HSPA12A: variants seen among roughly 807,000 people sequenced by gnomAD.
HSPA12A encodes heat shock 70 kDa protein 12A.
Under a neutral mutation model 69.2 loss-of-function variants are expected in HSPA12A, and 28 were observed. That is an observed-to-expected ratio of 0.40 (90% CI 0.30 to 0.55). The LOEUF (loss-of-function observed/expected upper bound fraction) is 0.55, where lower values mean the gene tolerates loss of function less well. HSPA12A is among the 20% of genes least tolerant of loss of function. HSPA12A has a pLI of 0.38. For synonymous variants in HSPA12A, 345 were observed against 370.5 expected (o/e 0.93, Z 0.79); for missense variants, 686 against 900.7 (o/e 0.76, Z 3.05).
exon 1 of HSPA12A, chr10:116,849,741 T>G: frequency 6.7e-7 from 1 of 1,502,972 alleles, no homozygotes; most frequent in Non-Finnish European, 8.9e-7. Context: ...GGTAGGGACC[T>G]GGGACAAGCG....
intron 2 of HSPA12A, among the ~76,000 whole-genome samples, chr10:116,817,534 G>T (rs1026666211): frequency 6.6e-6 from 1 of 151,284 alleles, no homozygotes; most frequent in South Asian, 2.1e-4. Context: ...GGTGGGGGTG[G>T]GGGGGATGGC....
At chr10:116,811,865 C>T (rs1385370618) in intron 2 of HSPA12A, among the ~76,000 whole-genome samples, 2 of 152,158 alleles carry the variant, frequency 1.3e-5, no homozygotes, top group Admixed American at 6.5e-5. Context: ...CAGTGAGGGT[C>T]AAGTGCCACC....
In HSPA12A at chr10:116,692,332, G is replaced by T; in HGVS notation, c.663+19C>A. 2 of 1,596,714 alleles carry T rather than the reference G, an allele frequency of 1.3e-6. No homozygotes were observed. Among genetic ancestry groups the T allele is most frequent in the Non-Finnish European group, 1.7e-6 (2 of 1,164,498 alleles). On this transcript the variant is annotated intron_variant, in intron 6 of 11. Coordinates refer to ENST00000369209, the MANE Select transcript of HSPA12A (RefSeq NM_025015.3). ...AGTCCTTCTCCTCCGGCTTCCACCC[G>T]CCCTGACTCTACCCTCACCTGGTAG...
chr10:116,842,861 G>A (rs1036387870), intron 1 of HSPA12A, among the ~76,000 whole-genome samples: 1 of 152,164 alleles, frequency 6.6e-6, no homozygotes, highest in South Asian at 2.1e-4. Flanking sequence ...CCAAAGTGTT[G>A]AGATTACAGG....
intron 1 of HSPA12A, among the ~76,000 whole-genome samples, chr10:116,845,640 C>A (rs916025861): frequency 3.9e-5 from 6 of 152,104 alleles, no homozygotes; most frequent in African/African-American, 1.4e-4. Context: ...CGTCAGCTCC[C>A]CAGTTTGCTA....
chr10:116,679,419 G>T (rs998448828), intron 10 of HSPA12A, 84 bp downstream of exon 10: 3 of 1,537,616 alleles, frequency 2.0e-6, no homozygotes, highest in Non-Finnish European at 2.7e-6. Flanking sequence ...ATTGGAACCC[G>T]AAGTCCACAC....
At chr10:116,699,133 CT>C (rs755563744) in intron 4 of HSPA12A, among the ~76,000 whole-genome samples, 17 of 141,924 alleles carry the variant, frequency 1.2e-4, no homozygotes, top group Admixed American at 3.5e-4. Context: ...AGGATCCCCC[CT>C]GATGGAGGCC....
intron 2 of HSPA12A, among the ~76,000 whole-genome samples, chr10:116,779,648 C>A (rs1191353465): frequency 6.6e-6 from 1 of 152,170 alleles, no homozygotes; most frequent in Admixed American, 6.5e-5. Flanking sequence ...GCGATGGAAT[C>A]TGGGGGTCAT....
chr10:116,728,867 C>G (rs1330777569), intron 1 of HSPA12A, among the ~76,000 whole-genome samples: 1 of 152,194 alleles, frequency 6.6e-6, no homozygotes, highest in East Asian at 1.9e-4. Context: ...GCTCTGTGAC[C>G]AGGGGCAGGT....
chr10:116,699,062 G>T (rs912404975), intron 4 of HSPA12A, among the ~76,000 whole-genome samples: 1 of 152,186 alleles, frequency 6.6e-6, no homozygotes, highest in Admixed American at 6.5e-5. Flanking sequence ...ATAGGCAGCA[G>T]GTGCCACTCC....
intron 2 of HSPA12A, chr10:116,831,785 G>A (rs1225271878): frequency 1.3e-5 from 2 of 152,088 alleles, no homozygotes; most frequent in Non-Finnish European, 2.9e-5. Context: ...GCTGAGGAAG[G>A]TTTTCTTTAC....
At chr10:116,805,871 C>CTGCG (rs1845057352) in intron 2 of HSPA12A, among the ~76,000 whole-genome samples, 2 of 152,190 alleles carry the variant, frequency 1.3e-5, no homozygotes, top group Non-Finnish European at 2.9e-5. Context: ...TTACATTTTG[C>CTGCG]TGCGTAAAAG....
chr10:116,681,862 C>T lies in HSPA12A; in HGVS notation c.851G>A (p.Arg284Gln), dbSNP rs539181870. ...AGFTQAKEHI[R>Q]RNRQSRTFLV... ...AAAGGTCCGACTCTGCCGATTACGC[C>T]GTATGTGTTCCTTAGCTAGTGGCCG... The change falls in exon 8 of 12, where the codon CGG (arginine) becomes CAG (glutamine). Residue 284 changes from arginine (R) to glutamine (Q), a missense_variant. Coordinates refer to ENST00000369209, the MANE Select transcript of HSPA12A (RefSeq NM_025015.3). The T allele has an allele frequency of 5.0e-6, 8 of 1,613,976 alleles. No individual in the cohort carries two copies. Among genetic ancestry groups the T allele is most frequent in the South Asian group, 1.1e-5 (1 of 91,074 alleles).
exon 1 of HSPA12A, chr10:116,849,735 G>A: frequency 2.0e-6 from 3 of 1,501,174 alleles, no homozygotes; most frequent in Non-Finnish European, 2.7e-6. Context: ...GCACCTGGTA[G>A]GGACCTGGGA....
chr10:116,777,682 G>C (rs1291113779), intron 2 of HSPA12A, among the ~76,000 whole-genome samples: 1 of 152,242 alleles, frequency 6.6e-6, no homozygotes, highest in African/African-American at 2.4e-5. Flanking sequence ...AAGCTTAAGT[G>C]CATCGACAAT....
chr10:116,815,248 C>A (rs202012947), intron 2 of HSPA12A, among the ~76,000 whole-genome samples: 52 of 102,110 alleles, frequency 5.1e-4, no homozygotes, highest in Admixed American at 1.1e-3. Flanking sequence ...ATCCAAAAGA[C>A]AAAAAAAAAA....
intron 2 of HSPA12A, among the ~76,000 whole-genome samples, chr10:116,760,792 A>T (rs1589690133): frequency 6.6e-6 from 1 of 152,210 alleles, no homozygotes; most frequent in East Asian, 1.9e-4. Context: ...GATATTCCCA[A>T]TATCTGCTGG....
intron 7 of HSPA12A, among the ~76,000 whole-genome samples, chr10:116,682,528 T>C (rs1008780479): frequency 6.6e-6 from 1 of 151,986 alleles, no homozygotes; most frequent in Non-Finnish European, 1.5e-5. Flanking sequence ...CGTCTGGGCC[T>C]GGCAAACCCC....
intron 2 of HSPA12A, among the ~76,000 whole-genome samples, chr10:116,804,012 T>C (rs910763839): frequency 1.3e-5 from 2 of 152,068 alleles, no homozygotes; most frequent in Non-Finnish European, 2.9e-5. Flanking sequence ...AATCTCCCCT[T>C]AGCCCCTCCT....
Sources: gnomAD v4.1 joint callset for allele counts (sites outside exome capture counted in the v4.1 genomes callset) on GRCh38, gnomAD v4.1.1 for gene constraint, MANE v1.5 for transcripts, NCBI Gene and HGNC (gene_info 2026-07-23, HGNC 2026-07-21) for gene names.